TUSC3: variants seen among roughly 807,000 people sequenced by gnomAD.
TUSC3 encodes the protein dolichyl-diphosphooligosaccharide--protein glycosyltransferase subunit TUSC3.
Under a neutral mutation model 44.8 loss-of-function variants are expected in TUSC3, and 45 were observed. That is an observed-to-expected ratio of 1.00 (90% confidence interval 0.79 to 1.29). TUSC3 has a LOEUF of 1.29. Among genes scored for constraint, TUSC3 ranks in the 50% most tolerant of loss-of-function variants. The pLI is 0.00. For missense variants in TUSC3, 519 were observed against 437.9 expected (o/e 1.19, Z -1.65); for synonymous variants, 212 against 152.9 (o/e 1.39, Z -2.85).
intron 2 of TUSC3, among the ~76,000 whole-genome samples, chr8:15,521,621 A>C (rs899275691): frequency 8.1e-5 from 12 of 148,658 alleles, no homozygotes; most frequent in South Asian, 4.2e-4. Flanking sequence ...TACCCCCCCC[A>C]AAAAAAGGTA....
the TUSC3 span, among the ~76,000 whole-genome samples, chr8:15,776,641 T>C: frequency 5.9e-5 from 9 of 152,180 alleles, no homozygotes; most frequent in African/African-American, 2.2e-4. Flanking sequence ...ATTTTTACAT[T>C]CTTTTGAAAT....
chr8:15,449,210 C>T (rs997160003), intron 1 of TUSC3, among the ~76,000 whole-genome samples: 2 of 152,028 alleles, frequency 1.3e-5, no homozygotes, highest in Non-Finnish European at 2.9e-5. Context: ...AAGGAAGCGG[C>T]CAAATATACA....
intron 4 of TUSC3, 70 bp downstream of exon 4, chr8:15,659,717 G>C: frequency 6.3e-7 from 1 of 1,579,754 alleles, no homozygotes; most frequent in Non-Finnish European, 8.6e-7. Flanking sequence ...TTTTAATAAG[G>C]CCACAGTAAT....
At position 15,489,759 on chromosome 8, in the gene TUSC3, G is replaced by A. The variant is rs138572311; in HGVS notation, n.189+6276G>A. On this transcript the variant is annotated intron_variant and non_coding_transcript_variant, in intron 2 of 5. Transcript: ENST00000503191. ...TCAAAAGGGAGAAAAGTATAATGAG[G>A]CATGTCTGACCCTCTCTTCCCATCG... Among the ~76,000 whole-genome samples the A allele has an allele frequency of 3.8e-3, 580 of 152,258 alleles. 2 individuals are homozygous for A. The highest frequency in any genetic ancestry group is 0.013 in the African/African-American group (540 of 41,560).
chr8:15,593,080 C>CT (rs1255748489), intron 1 of TUSC3, among the ~76,000 whole-genome samples: 3 of 151,960 alleles, frequency 2.0e-5, no homozygotes, highest in Non-Finnish European at 4.4e-5. Context: ...TATTAATGTG[C>CT]TTTTTAAAAA....
intron 1 of TUSC3, among the ~76,000 whole-genome samples, chr8:15,455,797 A>G (rs754209657): frequency 2.6e-5 from 4 of 152,202 alleles, no homozygotes; most frequent in Non-Finnish European, 5.9e-5. Context: ...CTTACGTTTT[A>G]AATGATAAAA....
intron 2 of TUSC3, among the ~76,000 whole-genome samples, chr8:15,534,469 C>T (rs1409024386): frequency 6.6e-6 from 1 of 151,772 alleles, no homozygotes; most frequent in African/African-American, 2.4e-5. Flanking sequence ...CGGTGAAACC[C>T]CGTCTGTACT....
At chr8:15,827,841 T>C in the TUSC3 span, among the ~76,000 whole-genome samples, 1 of 152,122 alleles carries the variant, frequency 6.6e-6, no homozygotes, top group Non-Finnish European at 1.5e-5. Context: ...TGCCGGAATG[T>C]TGAAGGCTGT....
rs184237100 is a variant in TUSC3, at chr8:15,559,596, G to A, written c.138+19028G>A. On this transcript the variant is annotated intron_variant, in intron 1 of 10. Coordinates refer to ENST00000503731, the MANE Select transcript of TUSC3 (RefSeq NM_006765.4). ...TCTCGTTGATCTGTCTAATGTTGACGGTGGGGTGCTAAAGTCTCCCATTAT... is the reference window on the plus strand; with the variant it reads ...TCTCGTTGATCTGTCTAATGTTGACAGTGGGGTGCTAAAGTCTCCCATTAT... 1.9e-3 allele frequency among the ~76,000 whole-genome samples: 253 copies of A among 134,938 alleles called. 49 individuals carry two copies. The highest frequency in any genetic ancestry group is 1.3e-3 in the South Asian group (5 of 3,816). 88.5% of individuals were successfully genotyped at this position (134,938 alleles called of 152,430 possible). A position where few individuals can be genotyped will look rare whatever the true frequency, so the allele number is the denominator to read the frequency against.
intron 1 of TUSC3, among the ~76,000 whole-genome samples, chr8:15,566,615 G>T (rs1459054846): frequency 8.7e-4 from 128 of 146,806 alleles, no homozygotes; most frequent in Middle Eastern, 3.6e-3. Context: ...TTTTGTTGTT[G>T]TTGTTGTTGT....
intron 1 of TUSC3, among the ~76,000 whole-genome samples, chr8:15,621,636 AATCT>A (rs1163123083): frequency 6.8e-6 from 1 of 147,924 alleles, no homozygotes; most frequent in Non-Finnish European, 1.5e-5. Flanking sequence ...TATATAGATA[AATCT>A]ATATAGATAA....
At chr8:15,508,391 T>C (rs989075356) in intron 2 of TUSC3, among the ~76,000 whole-genome samples, 2 of 151,512 alleles carry the variant, frequency 1.3e-5, no homozygotes, top group Admixed American at 6.6e-5. Flanking sequence ...AGAAAGGACA[T>C]TGGATTTAGA....
chr8:15,782,081 G>A, the TUSC3 span, among the ~76,000 whole-genome samples: 2 of 152,342 alleles, frequency 1.3e-5, no homozygotes, highest in African/African-American at 4.8e-5. Flanking sequence ...GTGACAGTGA[G>A]CCGAGATCGT....
intron 1 of TUSC3, among the ~76,000 whole-genome samples, chr8:15,612,779 C>G (rs182720289): frequency 2.6e-5 from 4 of 151,924 alleles, no homozygotes; most frequent in Non-Finnish European, 5.9e-5. Flanking sequence ...TTCTAAGTTA[C>G]AGATTTCTTT....
At chr8:15,507,500 T>G (rs1437861062) in intron 2 of TUSC3, among the ~76,000 whole-genome samples, 1 of 152,270 alleles carries the variant, frequency 6.6e-6, no homozygotes, top group East Asian at 1.9e-4. Flanking sequence ...ATTTTTCAGA[T>G]TCTAGCTAAT....
At chr8:15,730,754 T>C (rs1196350555) in intron 7 of TUSC3, 25 bp downstream of exon 7, 1 of 1,608,290 alleles carries the variant, frequency 6.2e-7, no homozygotes, top group Non-Finnish European at 8.5e-7. Flanking sequence ...TACCGACGAA[T>C]TGAAAAGGGC....
At chr8:15,631,549 C>T (rs186805833) in intron 2 of TUSC3, among the ~76,000 whole-genome samples, 1 of 152,054 alleles carries the variant, frequency 6.6e-6, no homozygotes, top group Non-Finnish European at 1.5e-5. Flanking sequence ...ATTTTGCTCT[C>T]TTTTAAGTAT....
chr8:15,679,555 CAATT>C (rs1056928082), intron 6 of TUSC3, among the ~76,000 whole-genome samples: 78 of 152,232 alleles, frequency 5.1e-4, no homozygotes, highest in African/African-American at 1.8e-3. Context: ...TCAATTTACT[CAATT>C]GATAGTTCCT....
intron 6 of TUSC3, among the ~76,000 whole-genome samples, chr8:15,682,864 T>C (rs191509045): frequency 5.3e-5 from 8 of 152,150 alleles, no homozygotes; most frequent in African/African-American, 1.9e-4. Flanking sequence ...ATGAATTCTC[T>C]TAGTGATTGA....
Sources: gnomAD v4.1 joint callset for allele counts (sites outside exome capture counted in the v4.1 genomes callset) on GRCh38, gnomAD v4.1.1 for gene constraint, MANE v1.5 for transcripts, NCBI Gene and HGNC (gene_info 2026-07-23, HGNC 2026-07-21) for gene names.